SLC49A3: variants seen among roughly 807,000 people sequenced by gnomAD.
The protein encoded by SLC49A3 is solute carrier family 49 member A3.
In SLC49A3, 50 loss-of-function variants were observed where a neutral mutation model predicts 43.8. The observed-to-expected ratio is 1.14, with a 90% CI of 0.91 to 1.45. The LOEUF (loss-of-function observed/expected upper bound fraction) is 1.45. Ranked by LOEUF, SLC49A3 falls within the 40% of genes most tolerant of loss-of-function variation. The pLI is 0.00. For missense variants in SLC49A3, 906 were observed against 774.1 expected (o/e 1.17, Z -2.02); for synonymous variants, 413 against 352.0 (o/e 1.17, Z -1.94).
chr4:685,157 G>A lies in SLC49A3; in HGVS notation c.586-301C>T. On this transcript the variant is annotated intron_variant, in intron 4 of 9. Transcript: ENST00000322224. This position sits in a 1 kb window ranked among gnomAD's most constrained non-coding sequence, Gnocchi z 4.3. The stretch of plus-strand genomic sequence containing the variant: ...CTGCCAGCTGCACAGCCCATGATAG[G>A]GCTCAACACACAGACACAGGTGGGT... The A allele has an allele frequency of 2.1e-6, 1 of 472,790 alleles. No individual in the cohort carries two copies. The highest frequency in any genetic ancestry group is 2.6e-5 in the South Asian group (1 of 38,460). 29.3% of individuals were successfully genotyped at this position (472,790 alleles called of 1,614,324 possible).
At chr4:678,408 C>G, downstream of SLC49A3, 5 of 1,419,662 alleles carry the variant, frequency 3.5e-6, no homozygotes, top group South Asian at 7.6e-5. Context: ...GACCACTGTG[C>G]TCTGTGGGCC....
chr4:678,957 G>C (rs779883556), downstream of SLC49A3: 31 of 1,613,668 alleles, frequency 1.9e-5, no homozygotes, highest in Admixed American at 5.0e-5. Flanking sequence ...TTGGTCCCCA[G>C]GCATTCACAC....
chr4:677,573 C>T (rs933461604), downstream of SLC49A3, among the ~76,000 whole-genome samples: 1 of 152,234 alleles, frequency 6.6e-6, no homozygotes, highest in Non-Finnish European at 1.5e-5. Flanking sequence ...CCCTGACAGA[C>T]AGAGTGTGCT....
chr4:683,379 G>C lies in SLC49A3; in HGVS notation c.994-12C>G. On this transcript the variant is annotated splice_polypyrimidine_tract_variant and intron_variant, in intron 7 of 9. Coordinates refer to ENST00000322224, the MANE Select transcript of SLC49A3 (RefSeq NM_032219.4). ...TGCAGCTGGGACACCTGGGAGCAGC[G>C]GAACGGCAGGCAGACAGGTGGAGGG... 6.2e-7 allele frequency: 1 copy of C among 1,604,336 alleles called. No homozygotes were observed. Among genetic ancestry groups the C allele is most frequent in the Non-Finnish European group, 8.5e-7 (1 of 1,174,886 alleles).
rs775988653 is a variant in SLC49A3, at chr4:682,321, G to C, written c.1317C>G (p.Val439=). ...LCTFFSCILA[V]FFHTPYRRLQ... ...GGCGCCGGTATGGGGTGTGGAAGAAGACCGCCAGGATGCAGCTGAAGAAGG... is the reference window on the plus strand; with the variant it reads ...GGCGCCGGTATGGGGTGTGGAAGAACACCGCCAGGATGCAGCTGAAGAAGG... Residue 439 remains valine, a synonymous_variant, in exon 10 of 10, where the codon GTC becomes GTG. Transcript: ENST00000322224. 1 of 1,348,848 alleles carries C rather than the reference G, an allele frequency of 7.4e-7. No homozygotes were observed. Among genetic ancestry groups the C allele is most frequent in the Admixed American group, 3.0e-5 (1 of 33,192 alleles). The allele number at this position is 1,348,848 out of a possible 1,614,324, so 83.6% of individuals were successfully genotyped here.
At chr4:688,309 G>C (rs969965042) in intron 1 of SLC49A3, among the ~76,000 whole-genome samples, 1 of 152,098 alleles carries the variant, frequency 6.6e-6, no homozygotes, top group South Asian at 2.1e-4. Flanking sequence ...GAGAGGCCCC[G>C]GGGTCCACCT....
Position 682,361 on chromosome 4 carries a change from A to G in SLC49A3, c.1277T>C (p.Met426Thr). The G allele has an allele frequency of 7.5e-7, 1 of 1,339,982 alleles. No individual in the cohort carries two copies. The highest frequency in any genetic ancestry group is 9.7e-7 in the Non-Finnish European group (1 of 1,035,836). The allele number at this position is 1,339,982 out of a possible 1,614,324, so 83.0% of individuals were successfully genotyped here. A position where few individuals can be genotyped will look rare whatever the true frequency, so the allele number is the denominator to read the frequency against. The change falls in exon 10 of 10, where the codon ATG becomes ACG. Residue 426 changes from methionine to threonine, a missense_variant. Coordinates refer to ENST00000322224, the MANE Select transcript of SLC49A3 (RefSeq NM_032219.4). ...PLDWTVSLLL[M>T]AGLCTFFSCI... ...GCTGAAGAAGGTGCACAGGCCGGCC[A>G]TCAGCAGCAGAGACACTGGGGACAC...
downstream of SLC49A3, chr4:680,834 C>T: frequency 1.6e-6 from 1 of 632,238 alleles, no homozygotes; most frequent in Admixed American, 2.9e-5. Flanking sequence ...CCATCTTCAG[C>T]TCCTGCTAGG....
In SLC49A3 at chr4:682,006, G is replaced by A. The variant is rs772233243; in HGVS notation, c.1632C>T (p.Asp544=). The A allele has an allele frequency of 1.8e-5, 25 of 1,423,574 alleles. No individual in the cohort carries two copies. The highest frequency in any genetic ancestry group is 2.6e-5 in the Admixed American group (1 of 39,086). The allele number at this position is 1,423,574 out of a possible 1,614,324, so 88.2% of individuals were successfully genotyped here. ...AGRVQASRFI[D]PAGSHSSFSS... is the part of the protein sequence containing the mutation. ...AGAAGGAGGAGTGAGACCCAGCCGG[G>A]TCAATAAACCTGGACGCTTGGACCC... Residue 544 remains aspartate (D), a synonymous_variant, in exon 10 of 10, where the codon GAC becomes GAT. Transcript: ENST00000322224.
downstream of SLC49A3, chr4:679,997 C>T: frequency 1.2e-6 from 2 of 1,613,210 alleles, no homozygotes; most frequent in Non-Finnish European, 1.7e-6. Flanking sequence ...GTTTCTGAAC[C>T]TGTTTGGGGA....
chr4:679,659 C>T (rs1739243369), downstream of SLC49A3, among the ~76,000 whole-genome samples: 2 of 152,208 alleles, frequency 1.3e-5, no homozygotes, highest in East Asian at 1.9e-4. Flanking sequence ...TTAAGAACAG[C>T]AGATCCCAGC....
chr4:681,759 C>A (rs550456962), downstream of SLC49A3: 3 of 1,154,968 alleles, frequency 2.6e-6, no homozygotes, highest in African/African-American at 5.2e-5. Context: ...CCTCCAGCGC[C>A]GCCCTCACCC....
downstream of SLC49A3, chr4:681,725 G>A (rs1377081336): frequency 4.0e-6 from 1 of 249,738 alleles, no homozygotes; most frequent in Non-Finnish European, 5.7e-6. Context: ...GCGCCGCCCC[G>A]CCCCCTCCAG....
At chr4:681,380 C>T (rs990682253), downstream of SLC49A3, among the ~76,000 whole-genome samples, 12 of 152,110 alleles carry the variant, frequency 7.9e-5, no homozygotes, top group South Asian at 1.0e-3. Flanking sequence ...CCCTCCGCGG[C>T]CTGAGCGTCT....
At position 682,125 on chromosome 4, in the gene SLC49A3, C is replaced by T. The variant is rs748257069; in HGVS notation, c.1513G>A (p.Gly505Arg). 2.7e-5 allele frequency: 36 copies of T among 1,351,550 alleles called. No homozygotes were observed. The highest frequency in any genetic ancestry group is 7.5e-5 in the African/African-American group (5 of 66,264). The allele number at this position is 1,351,550 out of a possible 1,614,324, so 83.7% of individuals were successfully genotyped here. A position where few individuals can be genotyped will look rare whatever the true frequency, so the allele number is the denominator to read the frequency against. The change falls in exon 10 of 10, where the codon GGG (glycine) becomes AGG (arginine). Residue 505 changes from glycine (G) to arginine (R), a missense_variant. Transcript: ENST00000322224. ...CGGTGGCAGGCTGGGTGGGGGCTCC[C>T]GGGCCCTCTGGGGTCCTCTAGCGAG... ...GASLEDPRGP[G>R]SPHPACHRAT... is the part of the protein sequence containing the mutation.
chr4:681,173 A>AG (rs1386823863), downstream of SLC49A3: 2 of 1,592,032 alleles, frequency 1.3e-6, no homozygotes, highest in South Asian at 1.1e-5. Context: ...CAAGCCCACG[A>AG]GGGGAGGGCG....
intron 8 of SLC49A3, 42 bp from the exon 9 acceptor site, chr4:682,932 C>A: frequency 6.8e-7 from 1 of 1,478,344 alleles, no homozygotes; most frequent in Non-Finnish European, 9.1e-7. Flanking sequence ...ACTGCCCACC[C>A]CCTCGGAGCC....
In SLC49A3 at chr4:685,292, T is replaced by C. The variant is rs1740766995; in HGVS notation, c.586-436A>G. 1.3e-5 allele frequency among the ~76,000 whole-genome samples: 2 copies of C among 149,934 alleles called. No homozygotes were observed. ...AGCACACACAGGTACACACCACACA[T>C]GTGCACAGACACACAGACACATATG... On this transcript the variant is annotated intron_variant, in intron 4 of 9. Coordinates refer to ENST00000322224, the MANE Select transcript of SLC49A3 (RefSeq NM_032219.4). This position sits in a 1 kb window ranked among gnomAD's most constrained non-coding sequence, Gnocchi z 4.3.
intron 1 of SLC49A3, 106 bp downstream of exon 1, chr4:688,887 C>T: frequency 2.1e-6 from 3 of 1,431,886 alleles, no homozygotes; most frequent in Non-Finnish European, 2.7e-6. Context: ...ACCCCCCGCC[C>T]CCAGCCAGCA....
Sources: allele counts gnomAD v4.1 joint callset (sites outside exome capture counted in the v4.1 genomes callset), GRCh38; gene constraint gnomAD v4.1.1; non-coding constraint Gnocchi (gnomAD v3.1); transcripts MANE v1.5; gene names NCBI Gene and HGNC (gene_info 2026-07-23, HGNC 2026-07-21).